DPYD: variants seen among roughly 807,000 people sequenced by gnomAD.
DPYD encodes dihydropyrimidine dehydrogenase [NADP(+)].
A neutral mutation model predicts 116.2 loss-of-function variants in DPYD; 109 were observed. That is an observed-to-expected ratio of 0.94 (90% CI 0.80 to 1.10). The LOEUF (loss-of-function observed/expected upper bound fraction) is 1.10, where lower values mean the gene tolerates loss of function less well. DPYD is among the 50% of genes least tolerant of loss of function. DPYD has a pLI of 0.00. For missense variants in DPYD, 1,302 were observed against 1,254.5 expected (o/e 1.04, Z -0.57); for synonymous variants, 440 against 432.0 (o/e 1.02, Z -0.23).
At chr1:97,222,457 T>A (rs1292150975) in intron 19 of DPYD, among the ~76,000 whole-genome samples, 3 of 152,132 alleles carry the variant, frequency 2.0e-5, no homozygotes, top group Non-Finnish European at 4.4e-5. Context: ...TAGATGTTAA[T>A]CTTTCTATCA....
intron 16 of DPYD, among the ~76,000 whole-genome samples, chr1:97,315,653 A>T (rs1302086330): frequency 6.6e-6 from 1 of 151,932 alleles, no homozygotes; most frequent in East Asian, 1.9e-4. Context: ...TGCCCAAGTG[A>T]CCCCAGGATA....
intron 8 of DPYD, among the ~76,000 whole-genome samples, chr1:97,610,909 G>C (rs1655902616): frequency 6.6e-6 from 1 of 151,904 alleles, no homozygotes; most frequent in African/African-American, 2.4e-5. Context: ...GTCAGAAAGA[G>C]GAAAGACATT....
chr1:97,638,911 G>A (rs1241731456), intron 8 of DPYD, among the ~76,000 whole-genome samples: 3 of 151,976 alleles, frequency 2.0e-5, no homozygotes, highest in Non-Finnish European at 4.4e-5. Context: ...CTAACAATGA[G>A]GACCACATTT....
chr1:97,425,578 C>G (rs971026333), intron 14 of DPYD, among the ~76,000 whole-genome samples: 1 of 152,038 alleles, frequency 6.6e-6, no homozygotes, highest in Non-Finnish European at 1.5e-5. Flanking sequence ...TAGAAAAGGT[C>G]TTTTATAGAA....
intron 18 of DPYD, among the ~76,000 whole-genome samples, chr1:97,282,744 C>T (rs1005950146): frequency 4.6e-5 from 7 of 152,066 alleles, no homozygotes; most frequent in Non-Finnish European, 1.5e-5. Flanking sequence ...AAATAGGCCC[C>T]AGTGTCTATT....
rs563085606 is a variant in DPYD, at chr1:97,908,344, C to G, written c.39+12540G>C. 4.6e-5 allele frequency among the ~76,000 whole-genome samples: 7 copies of G among 152,144 alleles called. No homozygotes were observed. In the South Asian group the frequency reaches 1.0e-3, roughly 23 times the overall value. On this transcript the variant is annotated intron_variant, in intron 1 of 22. Transcript: ENST00000370192. ...TACAGGCGTAAGTCATCGTACCTGG[C>G]CTGGCTGTCCTTTCTTATGTATCTT... is the stretch of plus-strand genomic sequence containing the variant.
chr1:97,321,617 C>T (rs1668280471), intron 16 of DPYD, among the ~76,000 whole-genome samples: 1 of 34,220 alleles, frequency 2.9e-5, no homozygotes, highest in Admixed American at 5.0e-4. Flanking sequence ...GAAATAGGAA[C>T]ACTTTTACAC....
At chr1:97,852,110 C>A (rs1670600119) in intron 2 of DPYD, among the ~76,000 whole-genome samples, 1 of 151,496 alleles carries the variant, frequency 6.6e-6, no homozygotes, top group Admixed American at 6.6e-5. Context: ...GGAAATTAAG[C>A]CATTCAAGCA....
chr1:97,579,025 CTT>C, intron 10 of DPYD, among the ~76,000 whole-genome samples: 1 of 152,324 alleles, frequency 6.6e-6, no homozygotes, highest in African/African-American at 2.4e-5. Flanking sequence ...TCTCAACACT[CTT>C]TAGAGGAAGA....
chr1:97,387,758 T>A (rs1672434711), intron 14 of DPYD, among the ~76,000 whole-genome samples: 1 of 151,968 alleles, frequency 6.6e-6, no homozygotes, highest in Non-Finnish European at 1.5e-5. Flanking sequence ...GGAATGAGCA[T>A]GGTATGTTCA....
chr1:97,171,181 C>T (rs763163141), intron 20 of DPYD, among the ~76,000 whole-genome samples: 8 of 152,156 alleles, frequency 5.3e-5, no homozygotes, highest in African/African-American at 1.2e-4. Flanking sequence ...TGCCAATAAA[C>T]GGAAGGTCCA....
intron 9 of DPYD, among the ~76,000 whole-genome samples, chr1:97,594,340 G>A (rs1279369644): frequency 6.6e-6 from 1 of 152,068 alleles, no homozygotes; most frequent in Non-Finnish European, 1.5e-5. Context: ...AGAGGCAGAA[G>A]GTGGAGAGGG....
chr1:97,648,758 T>C (rs1436279225), intron 8 of DPYD, among the ~76,000 whole-genome samples: 3 of 152,014 alleles, frequency 2.0e-5, no homozygotes, highest in Admixed American at 2.0e-4. Context: ...TGAGGCAAAT[T>C]ATATGATTAT....
At chr1:97,477,606 T>TC (rs1426098242) in intron 13 of DPYD, among the ~76,000 whole-genome samples, 18 of 6,666 alleles carry the variant, frequency 2.7e-3, no homozygotes, top group Admixed American at 4.4e-3. Context: ...CTGTTCTTCT[T>TC]TTTTTTTTTT....
chr1:97,642,463 AC>A (rs1657977827), intron 8 of DPYD, among the ~76,000 whole-genome samples: 2 of 152,058 alleles, frequency 1.3e-5, no homozygotes, highest in Admixed American at 1.3e-4. Flanking sequence ...CTGATCTTTG[AC>A]AAACCTGACA....
chr1:97,697,482 G>A (rs1311220934), intron 6 of DPYD, among the ~76,000 whole-genome samples: 3 of 151,996 alleles, frequency 2.0e-5, no homozygotes, highest in African/African-American at 4.8e-5. Flanking sequence ...CTATAATTCC[G>A]GCTAAATTCC....
rs142467862 is a variant in DPYD, at chr1:97,302,700, C to T, written c.2299+2559G>A. Among the ~76,000 whole-genome samples, 102 of 152,018 alleles carry T rather than the reference C, an allele frequency of 6.7e-4. 3 individuals are homozygous for T. Among genetic ancestry groups the T allele is most frequent in the Non-Finnish European group, 4.0e-4 (27 of 67,932 alleles). ...TTTGAAGTTAACTAAGTAAAAAGTG[C>T]GTTTTACATTATGGCATATATAAGT... On this transcript the variant is annotated intron_variant, in intron 18 of 22. Coordinates refer to ENST00000370192, the MANE Select transcript of DPYD (RefSeq NM_000110.4).
chr1:97,192,091 T>C (rs1189430403), intron 20 of DPYD, among the ~76,000 whole-genome samples: 3 of 151,972 alleles, frequency 2.0e-5, no homozygotes, highest in Admixed American at 6.6e-5. Flanking sequence ...CTTGCAACCA[T>C]ACACATTACT....
At chr1:97,474,153 T>A (rs1677819807) in intron 13 of DPYD, among the ~76,000 whole-genome samples, 1 of 152,158 alleles carries the variant, frequency 6.6e-6, no homozygotes, top group African/African-American at 2.4e-5. Flanking sequence ...AATCATTTAC[T>A]GAATTTAAAA....
Sources: gnomAD v4.1 joint callset for allele counts (sites outside exome capture counted in the v4.1 genomes callset) on GRCh38, gnomAD v4.1.1 for gene constraint, MANE v1.5 for transcripts, NCBI Gene and HGNC (gene_info 2026-07-23, HGNC 2026-07-21) for gene names.